The following LRRC4C variants were observed in gnomAD, a reference collection of about 807,000 sequenced individuals.
LRRC4C encodes the protein leucine-rich repeat-containing protein 4C.
LRRC4C carries 5 observed loss-of-function variants against 33.6 expected under a neutral mutation model. The ratio of observed to expected loss-of-function variants is 0.15; its 90% CI spans 0.08 to 0.31. The LOEUF (loss-of-function observed/expected upper bound fraction) is 0.31. Among genes scored for constraint, LRRC4C ranks in the 10% least tolerant of loss-of-function variants. LRRC4C has a pLI of 1.00. For synonymous variants in LRRC4C, 329 were observed against 302.0 expected, an observed-to-expected ratio of 1.09 and a Z score of -0.93; for missense variants, 560 against 796.7, an observed-to-expected ratio of 0.70 and a Z score of 3.58.
intron 1 of LRRC4C, among the ~76,000 whole-genome samples, chr11:41,142,687 C>T (rs569894238): frequency 2.0e-5 from 3 of 151,512 alleles, no homozygotes; most frequent in East Asian, 1.9e-4. Context: ...TCTAGATTAC[C>T]TCTGATAACA....
At chr11:40,403,352 T>C (rs1285466594) in intron 3 of LRRC4C, among the ~76,000 whole-genome samples, 1 of 152,144 alleles carries the variant, frequency 6.6e-6, no homozygotes, top group African/African-American at 2.4e-5. Context: ...TAAAATTTAC[T>C]AAATAGTCCA....
intron 1 of LRRC4C, among the ~76,000 whole-genome samples, chr11:41,031,368 C>T (rs960804695): frequency 1.3e-5 from 2 of 151,740 alleles, no homozygotes; most frequent in African/African-American, 4.8e-5. Flanking sequence ...TATGGGCACC[C>T]GGTATATCTT....
chr11:41,080,722 A>C (rs990279642), intron 1 of LRRC4C, among the ~76,000 whole-genome samples: 7 of 152,184 alleles, frequency 4.6e-5, no homozygotes, highest in Non-Finnish European at 2.9e-5. Context: ...ATCTTTGATT[A>C]AGGCTAAAAC....
intron 3 of LRRC4C, among the ~76,000 whole-genome samples, chr11:40,438,452 G>A (rs1463238167): frequency 6.6e-6 from 1 of 152,166 alleles, no homozygotes; most frequent in Non-Finnish European, 1.5e-5. Flanking sequence ...TGTTCTATTT[G>A]TTGTCTGTAT....
chr11:40,590,641 T>A (rs1388200896), intron 3 of LRRC4C, among the ~76,000 whole-genome samples: 1 of 151,154 alleles, frequency 6.6e-6, no homozygotes, highest in Non-Finnish European at 1.5e-5. Flanking sequence ...GATGGTGATG[T>A]ACAGATGGGT....
At position 40,337,840 on chromosome 11, in the gene LRRC4C, C is replaced by T. The variant is rs1227761477; in HGVS notation, c.-269-18119G>A. On this transcript the variant is annotated intron_variant, in intron 3 of 6. Transcript: ENST00000528697. ...TGATCCTCTCATTCTTCCCCTTCTC[C>T]ACCCTCTGATACGCCCCAGTGTGCG... Among the ~76,000 whole-genome samples, 5 of 152,134 alleles carry T rather than the reference C, an allele frequency of 3.3e-5. No homozygotes were observed. In the East Asian group the frequency reaches 9.7e-4, roughly 29 times the overall value.
chr11:41,110,522 C>G (rs960833080), intron 1 of LRRC4C, among the ~76,000 whole-genome samples: 1 of 151,998 alleles, frequency 6.6e-6, no homozygotes, highest in Admixed American at 6.6e-5. Context: ...AGATGTCAAG[C>G]TAAATGTTAA....
intron 3 of LRRC4C, among the ~76,000 whole-genome samples, chr11:40,390,021 G>C (rs1949275661): frequency 6.6e-6 from 1 of 152,058 alleles, no homozygotes; most frequent in Non-Finnish European, 1.5e-5. Flanking sequence ...GATCCCAAAT[G>C]ACAATTTATA....
chr11:40,693,367 A>C (rs1220020369), intron 2 of LRRC4C, among the ~76,000 whole-genome samples: 1 of 152,174 alleles, frequency 6.6e-6, no homozygotes, highest in African/African-American at 2.4e-5. Context: ...ATTTGGCAAT[A>C]ACAGACATTG....
At chr11:40,665,549 C>T (rs1565615560) in intron 2 of LRRC4C, among the ~76,000 whole-genome samples, 1 of 151,182 alleles carries the variant, frequency 6.6e-6, no homozygotes, top group Admixed American at 6.6e-5. Flanking sequence ...ATCACAACAC[C>T]TCTCATCATC....
intron 1 of LRRC4C, among the ~76,000 whole-genome samples, chr11:41,378,787 C>T (rs1458353558): frequency 6.6e-6 from 1 of 152,066 alleles, no homozygotes; most frequent in East Asian, 1.9e-4. Flanking sequence ...TAACCCAAGG[C>T]ACTGATTTCT....
In LRRC4C at chr11:40,567,065, G is replaced by A. The variant is rs577266204; in HGVS notation, c.-270+81077C>T. On this transcript the variant is annotated intron_variant, in intron 3 of 6. Transcript: ENST00000528697. ...TTTGTATTACTTTTGACTACAAGGT[G>A]AAAAATCATTCAATTAAGAAGCATC... Among the ~76,000 whole-genome samples, 9 of 152,146 alleles carry A rather than the reference G, an allele frequency of 5.9e-5. 1 individual carries two copies. In the East Asian group the frequency reaches 1.7e-3, roughly 29 times the overall value.
chr11:40,374,408 G>A (rs1051826875), intron 3 of LRRC4C, among the ~76,000 whole-genome samples: 1 of 152,142 alleles, frequency 6.6e-6, no homozygotes, highest in Admixed American at 6.5e-5. Flanking sequence ...TATAGTTCAT[G>A]TGCTCACGTT....
In LRRC4C at chr11:41,209,538, G is replaced by A. The variant is rs371039994; in HGVS notation, c.-496+249893C>T. On this transcript the variant is annotated intron_variant, in intron 1 of 6. Coordinates refer to ENST00000528697, the MANE Select transcript of LRRC4C (RefSeq NM_001258419.2). ...TGGGCGCCTGTAATCCCAGCTACTC[G>A]GGAAGCTGAGGCAGGGGAATCCCTT... Among the ~76,000 whole-genome samples, 312 of 151,854 alleles carry A rather than the reference G, an allele frequency of 2.1e-3. 1 individual carries two copies. The highest frequency in any genetic ancestry group is 7.0e-3 in the African/African-American group (291 of 41,434).
intron 2 of LRRC4C, among the ~76,000 whole-genome samples, chr11:40,743,405 G>T (rs1165329540): frequency 6.6e-6 from 1 of 152,044 alleles, no homozygotes; most frequent in African/African-American, 2.4e-5. Flanking sequence ...AAGGTCAGAG[G>T]TCTAAAATGG....
chr11:41,252,786 G>A (rs1433537637), intron 1 of LRRC4C, among the ~76,000 whole-genome samples: 1 of 152,132 alleles, frequency 6.6e-6, no homozygotes, highest in Non-Finnish European at 1.5e-5. Flanking sequence ...TGAACGAGGA[G>A]CAAAGTCACA....
chr11:40,122,966 C>CACAT, intron 6 of LRRC4C, among the ~76,000 whole-genome samples: 1 of 138,520 alleles, frequency 7.2e-6, no homozygotes, highest in Non-Finnish European at 1.5e-5. Context: ...CACACACACA[C>CACAT]ACACACACAC....
At chr11:40,433,029 T>G (rs1253497003) in intron 3 of LRRC4C, among the ~76,000 whole-genome samples, 3 of 152,182 alleles carry the variant, frequency 2.0e-5, no homozygotes, top group African/African-American at 7.2e-5. Flanking sequence ...AAAGTCATAA[T>G]ACAGAGTTGA....
At chr11:41,209,733 G>A (rs920845541) in intron 1 of LRRC4C, among the ~76,000 whole-genome samples, 2 of 152,180 alleles carry the variant, frequency 1.3e-5, no homozygotes, top group South Asian at 2.1e-4. Flanking sequence ...TGTTGGGAGG[G>A]GGTGAATGTA....
Sources: gnomAD v4.1 joint callset for allele counts (sites outside exome capture counted in the v4.1 genomes callset) on GRCh38, gnomAD v4.1.1 for gene constraint, MANE v1.5 for transcripts, NCBI Gene and HGNC (gene_info 2026-07-23, HGNC 2026-07-21) for gene names.